Variants in ROS1 observed in about 807,000 individuals in gnomAD.
The protein encoded by ROS1 is ROS proto-oncogene 1, receptor tyrosine kinase, also known as proto-oncogene tyrosine-protein kinase ROS.
Under a neutral mutation model 273.5 loss-of-function variants are expected in ROS1, and 263 were observed. That is an observed-to-expected ratio of 0.96 (90% CI 0.87 to 1.06). The LOEUF is 1.06. Among genes scored for constraint, ROS1 ranks in the 50% least tolerant of loss-of-function variants. ROS1 has a pLI of 0.00. For synonymous variants in ROS1, 1,008 were observed against 954.1 expected (o/e 1.06, Z -1.04); for missense variants, 2,833 against 2,751.1 (o/e 1.03, Z -0.67).
intron 22 of ROS1, 37 bp downstream of exon 22, chr6:117,362,566 A>G (rs1779891670): frequency 1.3e-6 from 2 of 1,588,644 alleles, no homozygotes; most frequent in Non-Finnish European, 1.7e-6. Flanking sequence ...CAATGCCGCT[A>G]TTAAGACTCT....
At chr6:117,338,211 T>C (rs574247335) in intron 31 of ROS1, among the ~76,000 whole-genome samples, 1 of 152,248 alleles carries the variant, frequency 6.6e-6, no homozygotes, top group East Asian at 1.9e-4. Flanking sequence ...ATAAACTTAA[T>C]TTATATCTTC....
intron 18 of ROS1, among the ~76,000 whole-genome samples, chr6:117,372,103 A>C (rs1189035354): frequency 6.6e-6 from 1 of 152,196 alleles, no homozygotes; most frequent in Non-Finnish European, 1.5e-5. Flanking sequence ...ATCTTAATGT[A>C]ATAAAAGCCA....
chr6:117,324,459 G>T, intron 34 of ROS1, 44 bp from the exon 35 acceptor site: 2 of 958,442 alleles, frequency 2.1e-6, no homozygotes, highest in East Asian at 2.6e-5. Flanking sequence ...ATAGATAAAA[G>T]CTAAGTTGCC....
chr6:117,335,555 C>T (rs1435531703), intron 32 of ROS1, among the ~76,000 whole-genome samples: 1 of 152,148 alleles, frequency 6.6e-6, no homozygotes, highest in Non-Finnish European at 1.5e-5. Flanking sequence ...TTTACTGCAG[C>T]ACTGTTTACA....
At chr6:117,398,887 C>T (rs574427827) in intron 7 of ROS1, among the ~76,000 whole-genome samples, 3 of 151,104 alleles carry the variant, frequency 2.0e-5, no homozygotes, top group South Asian at 2.1e-4. Context: ...GCAGGAGAAT[C>T]GATTGAACCC....
chr6:117,317,860 T>C (rs970375394), intron 38 of ROS1, among the ~76,000 whole-genome samples: 4 of 152,126 alleles, frequency 2.6e-5, no homozygotes, highest in Non-Finnish European at 5.9e-5. Flanking sequence ...GAGAGAACTC[T>C]CTCTTACTGG....
intron 18 of ROS1, among the ~76,000 whole-genome samples, chr6:117,376,100 A>G (rs1781311395): frequency 4.6e-5 from 7 of 152,126 alleles, no homozygotes; most frequent in Admixed American, 4.6e-4. Context: ...CAATAATGCC[A>G]GAAACAGATT....
chr6:117,387,885 G>T lies in ROS1; in HGVS notation c.1894C>A (p.Pro632Thr). 1.2e-6 allele frequency: 2 copies of T among 1,614,178 alleles called. No homozygotes were observed. The highest frequency in any genetic ancestry group is 1.7e-6 in the Non-Finnish European group (2 of 1,180,020). ...LNISGTMLNV[P>T]ELQSAMKYKV... ...TATTTCATAGCACTCTGCAGCTCAGGTACATTCAGCATGGTTCCACTTATG... is the reference window on the plus strand; with the variant it reads ...TATTTCATAGCACTCTGCAGCTCAGTTACATTCAGCATGGTTCCACTTATG... Residue 632 changes from proline (P) to threonine (T), a missense_variant, in exon 14 of 44, where the codon CCT (proline) becomes ACT (threonine). Coordinates refer to ENST00000368507, the MANE Select transcript of ROS1 (RefSeq NM_001378902.1).
At chr6:117,295,825 A>C (rs1774196309) in intron 43 of ROS1, among the ~76,000 whole-genome samples, 1 of 152,238 alleles carries the variant, frequency 6.6e-6, no homozygotes, top group Admixed American at 6.5e-5. Flanking sequence ...GCTTACATTG[A>C]AAAGACAGGC....
chr6:117,326,407 T>A lies in ROS1; in HGVS notation c.5356A>T (p.Thr1786Ser), dbSNP rs2128582354. 1 of 1,525,776 alleles carries A rather than the reference T, an allele frequency of 6.6e-7. No individual in the cohort carries two copies. Among genetic ancestry groups the A allele is most frequent in the Non-Finnish European group, 8.8e-7 (1 of 1,138,598 alleles). The allele number at this position is 1,525,776 out of a possible 1,614,324, so 94.5% of individuals were successfully genotyped here. A position where few individuals can be genotyped will look rare whatever the true frequency, so the allele number is the denominator to read the frequency against. The part of the protein sequence containing the change: ...TYYILEIRKS[T>S]SNNLQNQNLR... ...TTCTGGTTCTGTAAATTATTTGAAG[T>A]GCTCTTTCTGCAAAAAATAATAAAT... Residue 1786 changes from threonine to serine, a missense_variant, in exon 34 of 44, where the codon ACT becomes TCT. By Grantham distance (58) the Thr-to-Ser change is moderately conservative. Coordinates refer to ENST00000368507, the MANE Select transcript of ROS1 (RefSeq NM_001378902.1).
At chr6:117,355,465 C>A (rs1259536274) in intron 26 of ROS1, among the ~76,000 whole-genome samples, 2 of 152,116 alleles carry the variant, frequency 1.3e-5, no homozygotes, top group Non-Finnish European at 2.9e-5. Flanking sequence ...ACTGTATAAT[C>A]CAGCAGTGAC....
chr6:117,295,589 A>G (rs1037542929), intron 43 of ROS1, among the ~76,000 whole-genome samples: 7 of 152,236 alleles, frequency 4.6e-5, no homozygotes, highest in African/African-American at 1.7e-4. Context: ...CAAACTACCC[A>G]TCTGACAAGG....
chr6:117,339,496 G>A (rs1582666874), intron 31 of ROS1, among the ~76,000 whole-genome samples: 1 of 152,124 alleles, frequency 6.6e-6, no homozygotes, highest in East Asian at 1.9e-4. Context: ...TCAGTATGCA[G>A]TTACGGTATT....
intron 27 of ROS1, among the ~76,000 whole-genome samples, chr6:117,351,828 A>G (rs1446475269): frequency 6.6e-6 from 1 of 152,222 alleles, no homozygotes; most frequent in Non-Finnish European, 1.5e-5. Flanking sequence ...CAGAAGCCAC[A>G]TGAACTTTTA....
chr6:117,375,047 T>C (rs1053866631), intron 18 of ROS1, among the ~76,000 whole-genome samples: 2 of 152,140 alleles, frequency 1.3e-5, no homozygotes. Context: ...ATGGAACCAG[T>C]CCAAATGCCC....
At chr6:117,304,679 G>A (rs1774973730) in intron 42 of ROS1, among the ~76,000 whole-genome samples, 1 of 152,132 alleles carries the variant, frequency 6.6e-6, no homozygotes, top group Non-Finnish European at 1.5e-5. Flanking sequence ...CTACCCATTA[G>A]TTGACTAGGT....
intron 33 of ROS1, among the ~76,000 whole-genome samples, chr6:117,328,171 G>A (rs1776784927): frequency 6.6e-6 from 1 of 152,160 alleles, no homozygotes; most frequent in South Asian, 2.1e-4. Flanking sequence ...AGTACACAGA[G>A]TCTAACTAGA....
intron 21 of ROS1, among the ~76,000 whole-genome samples, chr6:117,364,158 C>T (rs375546323): frequency 2.3e-4 from 35 of 152,152 alleles, no homozygotes; most frequent in African/African-American, 8.2e-4. Flanking sequence ...GGATCCAATG[C>T]TAACTGCTCC....
rs1251397232 is a variant in ROS1, at chr6:117,365,706, A to C, written c.2833T>G (p.Ser945Ala). The C allele has an allele frequency of 3.7e-6, 6 of 1,604,628 alleles. No homozygotes were observed. In the East Asian group the frequency reaches 8.9e-5, roughly 24 times the overall value. The part of the protein sequence containing the change: ...FSFTPKVIPD[S>A]VQESSFRIEG... ...ATCCTAAATGAAGACTCTTGAACAG[A>C]ATCTGGAATAACCTTAGGGGTAAAG... The change falls in exon 20 of 44, where the codon TCT (serine) becomes GCT (alanine). Residue 945 changes from serine to alanine, a missense_variant. By Grantham distance (99) the Ser-to-Ala change is moderately conservative. Coordinates refer to ENST00000368507, the MANE Select transcript of ROS1 (RefSeq NM_001378902.1).
Sources: gnomAD v4.1 joint callset for allele counts (sites outside exome capture counted in the v4.1 genomes callset) on GRCh38, gnomAD v4.1.1 for gene constraint, MANE v1.5 for transcripts, NCBI Gene and HGNC (gene_info 2026-07-23, HGNC 2026-07-21) for gene names.